Variants in CEP63 observed in about 807,000 individuals in gnomAD.
CEP63 encodes the protein centrosomal protein 63.
In CEP63, 84 loss-of-function variants were observed where a neutral mutation model predicts 89.1. That is an observed-to-expected ratio of 0.94 (90% CI 0.79 to 1.13). CEP63 has a LOEUF of 1.13. CEP63 is among the 50% of genes most tolerant of loss of function. CEP63 has a pLI of 0.00. For missense variants in CEP63, 838 were observed against 813.3 expected, an observed-to-expected ratio of 1.03 and a Z score of -0.37; for synonymous variants, 267 against 272.5, an observed-to-expected ratio of 0.98 and a Z score of 0.20.
intron 11 of CEP63, among the ~76,000 whole-genome samples, chr3:134,571,374 A>G (rs539630842): frequency 9.7e-4 from 147 of 152,254 alleles, no homozygotes; most frequent in Middle Eastern, 3.4e-3. Context: ...CAGAATAATG[A>G]CTAAGTGCAT....
the CEP63 span, among the ~76,000 whole-genome samples, chr3:134,662,415 G>A: frequency 6.6e-6 from 1 of 152,086 alleles, no homozygotes; most frequent in Non-Finnish European, 1.5e-5. Flanking sequence ...TTGTCTATAA[G>A]CCACCCAGTT....
At chr3:134,629,005 T>C in the CEP63 span, among the ~76,000 whole-genome samples, 1 of 152,196 alleles carries the variant, frequency 6.6e-6, no homozygotes, top group South Asian at 2.1e-4. Context: ...CCTGCATTCT[T>C]CCTGAGGTCC....
chr3:134,758,941 C>T, the CEP63 span, among the ~76,000 whole-genome samples: 1 of 152,104 alleles, frequency 6.6e-6, no homozygotes, highest in Non-Finnish European at 1.5e-5. Flanking sequence ...CTCTGAATTA[C>T]CTAGGTGGTC....
chr3:134,549,144 C>T lies in CEP63; in HGVS notation c.1150C>T (p.His384Tyr), dbSNP rs750853951. ...KYEELKRMEA[H>Y]NNEYKAEIKK... ...TGAAGAACTGAAGAGGATGGAAGCACATAACAATGAATACAAAGCAGAGAT... is the reference window on the plus strand; with the variant it reads ...TGAAGAACTGAAGAGGATGGAAGCATATAACAATGAATACAAAGCAGAGAT... Residue 384 changes from histidine (H) to tyrosine (Y), a missense_variant, in exon 10 of 15, where the codon CAT becomes TAT. Transcript: ENST00000675561. 4 of 1,612,224 alleles carry T rather than the reference C, an allele frequency of 2.5e-6. No homozygotes were observed. Among genetic ancestry groups the T allele is most frequent in the Non-Finnish European group, 3.4e-6 (4 of 1,178,432 alleles).
At chr3:134,498,589 T>G (rs1016135746) in intron 2 of CEP63, among the ~76,000 whole-genome samples, 1 of 152,194 alleles carries the variant, frequency 6.6e-6, no homozygotes, top group Non-Finnish European at 1.5e-5. Context: ...CTTTCAGTTA[T>G]GTGTTGAATG....
the CEP63 span, among the ~76,000 whole-genome samples, chr3:134,656,073 C>T: frequency 7.0e-4 from 107 of 152,280 alleles, no homozygotes; most frequent in African/African-American, 2.4e-3. Context: ...GCCATGAAGA[C>T]GTTTCCCAGC....
chr3:134,555,863 AC>A (rs1203252321), intron 12 of CEP63, among the ~76,000 whole-genome samples: 93 of 152,276 alleles, frequency 6.1e-4, no homozygotes, highest in African/African-American at 2.2e-3. Flanking sequence ...ACCCTACTTG[AC>A]TTCAAACTAT....
Position 134,561,740 on chromosome 3 carries a change from A to C in CEP63, c.*205A>C, listed in dbSNP as rs1957368647. Reference sequence around the variant, plus strand: ...GTTTAAAGGACTTCTTCCAGCAATAAGTTGAAAGAATAAACCACTTTGCTA... The same window carrying C: ...GTTTAAAGGACTTCTTCCAGCAATACGTTGAAAGAATAAACCACTTTGCTA... On this transcript the variant is annotated 3_prime_UTR_variant, in exon 15 of 15. Transcript: ENST00000675561. 7 of 1,388,026 alleles carry C rather than the reference A, an allele frequency of 5.0e-6. 1 individual carries two copies. The highest frequency in any genetic ancestry group is 3.1e-5 in the Admixed American group (1 of 32,444). 86.0% of individuals were successfully genotyped at this position (1,388,026 alleles called of 1,614,324 possible).
At chr3:134,743,742 T>C in the CEP63 span, among the ~76,000 whole-genome samples, 16 of 152,140 alleles carry the variant, frequency 1.1e-4, no homozygotes, top group African/African-American at 3.9e-4. Flanking sequence ...TCTGCTTCAA[T>C]AGGGACCTAG....
the CEP63 span, chr3:134,604,600 T>C: frequency 1.5e-5 from 12 of 777,198 alleles, no homozygotes; most frequent in Non-Finnish European, 2.0e-5. Context: ...ATTTCCACGG[T>C]GTTAATACTT....
the CEP63 span, among the ~76,000 whole-genome samples, chr3:134,663,842 G>T: frequency 6.6e-6 from 1 of 152,216 alleles, no homozygotes; most frequent in Non-Finnish European, 1.5e-5. Flanking sequence ...TGTCCTCCTT[G>T]CTCACCATGT....
At chr3:134,500,975 C>G (rs973975629) in intron 2 of CEP63, among the ~76,000 whole-genome samples, 17 of 83,846 alleles carry the variant, frequency 2.0e-4, no homozygotes, top group African/African-American at 6.0e-4. Context: ...AGTTTGAGAT[C>G]TTACATTTAA....
the CEP63 span, among the ~76,000 whole-genome samples, chr3:134,736,022 C>CTA: frequency 6.6e-6 from 1 of 152,002 alleles, no homozygotes; most frequent in Non-Finnish European, 1.5e-5. Context: ...AAACAAAATA[C>CTA]TAGAAATCTG....
At chr3:134,594,779 T>C in the CEP63 span, among the ~76,000 whole-genome samples, 2 of 151,112 alleles carry the variant, frequency 1.3e-5, no homozygotes, top group Admixed American at 1.3e-4. Flanking sequence ...CAATGTTCAC[T>C]TCAAAAATTT....
At chr3:134,692,092 ATT>A in the CEP63 span, among the ~76,000 whole-genome samples, 2 of 139,088 alleles carry the variant, frequency 1.4e-5, no homozygotes, top group African/African-American at 5.3e-5. Context: ...AGGCAGCTAG[ATT>A]TTTTTTTTAA....
the CEP63 span, among the ~76,000 whole-genome samples, chr3:134,721,881 G>A: frequency 6.6e-6 from 1 of 151,978 alleles, no homozygotes; most frequent in Non-Finnish European, 1.5e-5. Flanking sequence ...TTAGTATTTT[G>A]TTGAGGGTTT....
the CEP63 span, chr3:134,603,680 A>C: frequency 1.2e-6 from 2 of 1,613,888 alleles, no homozygotes; most frequent in Non-Finnish European, 8.5e-7. Context: ...GCTGTGCTGC[A>C]GCTTCCCTCC....
chr3:134,650,823 A>AC, the CEP63 span: 2 of 1,581,472 alleles, frequency 1.3e-6, no homozygotes, highest in Non-Finnish European at 1.7e-6. Flanking sequence ...GGCGCGCGTT[A>AC]CCTCCTCCGC....
chr3:134,690,743 A>ATTTTTTTTTTTTTTTTTTTTTTTTTTTT, the CEP63 span, among the ~76,000 whole-genome samples: 3 of 120,796 alleles, frequency 2.5e-5, no homozygotes, highest in African/African-American at 1.0e-4. Context: ...GAAGACCAAG[A>ATTTTTTTTTTTTTTTTTTTTTTTTTTTT]TTTTTTTTTT....
Sources: gnomAD v4.1 joint callset for allele counts (sites outside exome capture counted in the v4.1 genomes callset) on GRCh38, gnomAD v4.1.1 for gene constraint, MANE v1.5 for transcripts, NCBI Gene and HGNC (gene_info 2026-07-23, HGNC 2026-07-21) for gene names.